DPP6: variants seen among roughly 807,000 people sequenced by gnomAD.
DPP6 encodes dipeptidyl peptidase like 6, also known as A-type potassium channel modulatory protein DPP6.
A neutral mutation model predicts 122.6 loss-of-function variants in DPP6; 69 were observed. That is an observed-to-expected ratio of 0.56 (90% CI 0.46 to 0.69). The LOEUF (loss-of-function observed/expected upper bound fraction) is 0.69. DPP6 is among the 30% of genes least tolerant of loss of function. The pLI is 0.00. For synonymous variants in DPP6, 418 were observed against 433.1 expected, an observed-to-expected ratio of 0.97 and a Z score of 0.43; for missense variants, 928 against 1,116.9, an observed-to-expected ratio of 0.83 and a Z score of 2.41.
intron 8 of DPP6, among the ~76,000 whole-genome samples, chr7:154,735,908 G>A (rs1210494429): frequency 1.3e-5 from 2 of 152,198 alleles, no homozygotes; most frequent in Non-Finnish European, 2.9e-5. Context: ...AGCCCCCTGG[G>A]TCCAACTGCA....
In DPP6 at chr7:154,525,530, G is replaced by T. The variant is rs557936679; in HGVS notation, c.458-15002G>T. Among the ~76,000 whole-genome samples, 19 of 152,178 alleles carry T rather than the reference G, an allele frequency of 1.2e-4. No individual in the cohort carries two copies. The South Asian group carries it at 3.9e-3, about 32-fold the overall frequency. On this transcript the variant is annotated intron_variant, in intron 3 of 25. Transcript: ENST00000377770. ...AATCTTAGCTCCTAATAACATTAAC[G>T]GAATTGTTTATTTTCTTGGAATGAT...
At chr7:154,684,962 CT>C (rs1839510632) in intron 7 of DPP6, among the ~76,000 whole-genome samples, 1 of 152,188 alleles carries the variant, frequency 6.6e-6, no homozygotes, top group South Asian at 2.1e-4. Context: ...TTAGTTGACT[CT>C]GATAACTCCC....
chr7:154,717,580 T>C (rs564801056), intron 7 of DPP6, among the ~76,000 whole-genome samples: 1 of 152,340 alleles, frequency 6.6e-6, no homozygotes, highest in South Asian at 2.1e-4. Flanking sequence ...GATTTCATTC[T>C]TTTCTTTGGC....
the DPP6 span, among the ~76,000 whole-genome samples, chr7:153,880,023 C>G: frequency 1.3e-5 from 2 of 151,996 alleles, no homozygotes; most frequent in Non-Finnish European, 2.9e-5. Context: ...ACTTATTTAT[C>G]AACAATTGTG....
At chr7:154,884,440 T>TACACATTCTC (rs1563325348) in intron 21 of DPP6, 2 of 103,784 alleles carry the variant, frequency 1.9e-5, no homozygotes, top group Non-Finnish European at 4.0e-5. Flanking sequence ...TGCTCACCTA[T>TACACATTCTC]ACACATGCTC....
In DPP6 at chr7:154,847,888, T is replaced by G. The variant is rs528223876; in HGVS notation, c.1667-5892T>G. Among the ~76,000 whole-genome samples the G allele has an allele frequency of 3.3e-5, 5 of 152,334 alleles. No individual in the cohort carries two copies. The South Asian group carries it at 1.0e-3, about 32-fold the overall frequency. The stretch of plus-strand genomic sequence containing the variant: ...CTCTTTGTTTCTACGAAATCAACAT[T>G]TTTAGATTCCACATATAAGTGAGAT... On this transcript the variant is annotated intron_variant, in intron 16 of 25. Coordinates refer to ENST00000377770, the MANE Select transcript of DPP6 (RefSeq NM_130797.4).
the DPP6 span, among the ~76,000 whole-genome samples, chr7:153,753,771 A>G: frequency 6.6e-6 from 1 of 152,184 alleles, no homozygotes; most frequent in Non-Finnish European, 1.5e-5. Context: ...CTTCAGGATC[A>G]AGGACTCACT....
intron 1 of DPP6, among the ~76,000 whole-genome samples, chr7:153,992,137 C>T (rs1585144099): frequency 6.6e-6 from 1 of 151,856 alleles, no homozygotes; most frequent in Non-Finnish European, 1.5e-5. Flanking sequence ...AACACTGTTG[C>T]ATTGGGGATT....
intron 1 of DPP6, among the ~76,000 whole-genome samples, chr7:154,002,159 C>T (rs1797718290): frequency 6.6e-6 from 1 of 152,172 alleles, no homozygotes; most frequent in Non-Finnish European, 1.5e-5. Context: ...AGATGGCTCA[C>T]ATGTAGCTTG....
intron 21 of DPP6, among the ~76,000 whole-genome samples, chr7:154,882,679 A>C (rs1417518534): frequency 2.1e-5 from 3 of 145,928 alleles, no homozygotes; most frequent in Non-Finnish European, 3.0e-5. Context: ...GACACCGAAA[A>C]TCCCCCCTGC....
chr7:154,413,200 T>C (rs1816762283), intron 1 of DPP6, among the ~76,000 whole-genome samples: 1 of 152,222 alleles, frequency 6.6e-6, no homozygotes, highest in African/African-American at 2.4e-5. Flanking sequence ...TGGGCTATCT[T>C]AAATTCTTTT....
intron 8 of DPP6, among the ~76,000 whole-genome samples, chr7:154,761,502 TG>T (rs34059751): frequency 0.29 from 43,832 of 151,924 alleles, 7,515 homozygotes; most frequent in Non-Finnish European, 0.39. Context: ...TCCCCGAGAC[TG>T]GGTAATTTAG....
At chr7:154,774,259 G>A (rs1796432550) in intron 10 of DPP6, among the ~76,000 whole-genome samples, 1 of 151,814 alleles carries the variant, frequency 6.6e-6, no homozygotes, top group African/African-American at 2.4e-5. Flanking sequence ...GATTTGGCTG[G>A]TGATATTTTT....
At chr7:153,767,507 A>C in the DPP6 span, among the ~76,000 whole-genome samples, 1 of 149,918 alleles carries the variant, frequency 6.7e-6, no homozygotes, top group Non-Finnish European at 1.5e-5. Context: ...AGCTGGGATT[A>C]CAGGTGCCTA....
chr7:154,182,122 C>T (rs1020091993), intron 1 of DPP6, among the ~76,000 whole-genome samples: 3 of 152,072 alleles, frequency 2.0e-5, no homozygotes, highest in Admixed American at 6.5e-5. Context: ...GATGTGTGAT[C>T]CTGCTTGGGT....
chr7:154,544,148 A>G (rs1586588632), intron 4 of DPP6, among the ~76,000 whole-genome samples: 1 of 143,138 alleles, frequency 7.0e-6, no homozygotes. Flanking sequence ...TTTTATATAT[A>G]TATTTTATAT....
chr7:154,586,265 A>T (rs1586686524), intron 5 of DPP6, among the ~76,000 whole-genome samples: 1 of 151,992 alleles, frequency 6.6e-6, no homozygotes, highest in African/African-American at 2.4e-5. Flanking sequence ...AGGCAGGAGG[A>T]TTATTTGACC....
intron 1 of DPP6, among the ~76,000 whole-genome samples, chr7:153,901,971 GGAAATTCCCTTGT>G: frequency 6.6e-6 from 1 of 152,302 alleles, no homozygotes; most frequent in South Asian, 2.1e-4. Flanking sequence ...TGCACCTACT[GGAAATTCCCTTGT>G]GGAATCTTTA....
At chr7:154,203,791 G>T (rs957556683) in intron 1 of DPP6, among the ~76,000 whole-genome samples, 2 of 152,146 alleles carry the variant, frequency 1.3e-5, no homozygotes, top group Non-Finnish European at 2.9e-5. Flanking sequence ...GCGGATATTT[G>T]TCCAAACTGC....
Sources: gnomAD v4.1 joint callset for allele counts (sites outside exome capture counted in the v4.1 genomes callset) on GRCh38, gnomAD v4.1.1 for gene constraint, MANE v1.5 for transcripts, NCBI Gene and HGNC (gene_info 2026-07-23, HGNC 2026-07-21) for gene names.